DTNB: variants seen among roughly 807,000 people sequenced by gnomAD.
DTNB encodes DTN-B.
A neutral mutation model predicts 90.7 loss-of-function variants in DTNB; 63 were observed. The ratio of observed to expected loss-of-function variants is 0.69; its 90% CI spans 0.57 to 0.86. The LOEUF is 0.86. Among genes scored for constraint, DTNB ranks in the 40% least tolerant of loss-of-function variants. The probability of loss-of-function intolerance (pLI) is 0.00; values close to 1 mark genes in which losing one functional copy is unlikely to be tolerated. For missense variants in DTNB, 744 were observed against 807.1 expected (o/e 0.92, Z 0.95); for synonymous variants, 277 against 286.7 (o/e 0.97, Z 0.34).
At chr2:25,627,632 A>G (rs2074520007) in intron 4 of DTNB, among the ~76,000 whole-genome samples, 1 of 152,128 alleles carries the variant, frequency 6.6e-6, no homozygotes, top group Non-Finnish European at 1.5e-5. Flanking sequence ...AATACATCTC[A>G]AATGTGATTC....
At chr2:25,655,483 T>C (rs1394220797) in intron 1 of DTNB, among the ~76,000 whole-genome samples, 1 of 152,160 alleles carries the variant, frequency 6.6e-6, no homozygotes, top group Admixed American at 6.5e-5. Context: ...TGGAAGAACA[T>C]ACCTGGATCT....
At chr2:25,561,564 G>T (rs754347088) in intron 8 of DTNB, among the ~76,000 whole-genome samples, 61 of 152,294 alleles carry the variant, frequency 4.0e-4, no homozygotes, top group Middle Eastern at 3.4e-3. Context: ...GAGGTGGGGC[G>T]TGGTGGGAGG....
chr2:25,434,854 A>C (rs1257917093), intron 12 of DTNB, among the ~76,000 whole-genome samples: 1 of 152,130 alleles, frequency 6.6e-6, no homozygotes, highest in Non-Finnish European at 1.5e-5. Context: ...ATTTCTCTAC[A>C]TCTTCACCAA....
intron 4 of DTNB, among the ~76,000 whole-genome samples, chr2:25,618,501 T>C (rs2071457206): frequency 1.3e-5 from 2 of 152,210 alleles, no homozygotes; most frequent in African/African-American, 2.4e-5. Flanking sequence ...CCAGAATCAA[T>C]TCTCTTCAAA....
chr2:25,387,497 G>T lies in DTNB; in HGVS notation c.1736-119C>A. On this transcript the variant is annotated intron_variant, in intron 17 of 20. Coordinates refer to ENST00000406818, the MANE Select transcript of DTNB (RefSeq NM_021907.5). The surrounding 1 kb of genome is among the most constrained non-coding windows in gnomAD (Gnocchi z 4.5). ...CACAGGTGTGGAACACCTAAGGGGA[G>T]ATGGGGCCACAGCAGCTCCACCCAT... 2.3e-6 allele frequency: 2 copies of T among 886,864 alleles called. No homozygotes were observed. Among genetic ancestry groups the T allele is most frequent in the South Asian group, 1.8e-5 (1 of 56,104 alleles). The allele number at this position is 886,864 out of a possible 1,614,324, so 54.9% of individuals were successfully genotyped here.
chr2:25,415,112 G>C (rs1362841771), intron 16 of DTNB, among the ~76,000 whole-genome samples: 1 of 152,184 alleles, frequency 6.6e-6, no homozygotes, highest in Non-Finnish European at 1.5e-5. Flanking sequence ...CAGAATCACA[G>C]CACCCAAGCT....
At chr2:25,410,389 T>A (rs950606085) in intron 16 of DTNB, among the ~76,000 whole-genome samples, 1 of 152,176 alleles carries the variant, frequency 6.6e-6, no homozygotes, top group Non-Finnish European at 1.5e-5. Flanking sequence ...ATCCTCGGAC[T>A]CTTGTTAGGT....
chr2:25,410,934 CTTTT>C (rs34571788), intron 16 of DTNB, among the ~76,000 whole-genome samples: 9 of 132,486 alleles, frequency 6.8e-5, no homozygotes, highest in South Asian at 2.4e-4. Context: ...ACTGCCTTTT[CTTTT>C]TTTTTTTTTT....
Position 25,563,456 on chromosome 2 carries a change from T to C in DTNB, c.876+13382A>G, listed in dbSNP as rs146531808. Among the ~76,000 whole-genome samples, 506 of 152,352 alleles carry C rather than the reference T, an allele frequency of 3.3e-3. 2 individuals are homozygous for C. The highest frequency in any genetic ancestry group is 0.011 in the African/African-American group (443 of 41,586). On this transcript the variant is annotated intron_variant, in intron 8 of 20. Coordinates refer to ENST00000406818, the MANE Select transcript of DTNB (RefSeq NM_021907.5). ...TGAAGCACCAAAATCTTTAATTTTG[T>C]TGAAGTCCAATTTGTCTATTTTTCT...
intron 3 of DTNB, among the ~76,000 whole-genome samples, chr2:25,637,721 G>A (rs1292833639): frequency 6.6e-6 from 1 of 152,208 alleles, no homozygotes; most frequent in Non-Finnish European, 1.5e-5. Flanking sequence ...AGGTGCTGGA[G>A]AGGATGTGGA....
chr2:25,482,423 G>T (rs1214820853), intron 10 of DTNB, among the ~76,000 whole-genome samples: 1 of 152,016 alleles, frequency 6.6e-6, no homozygotes, highest in Non-Finnish European at 1.5e-5. Flanking sequence ...GAGCAAAAAT[G>T]ATCTTTGACA....
At chr2:25,593,095 A>G (rs1462808759) in intron 6 of DTNB, among the ~76,000 whole-genome samples, 1 of 152,210 alleles carries the variant, frequency 6.6e-6, no homozygotes, top group Admixed American at 6.5e-5. Flanking sequence ...TCATCACAGC[A>G]CTGCAGAAAG....
Position 25,580,784 on chromosome 2 carries a change from C to T in DTNB, c.646G>A (p.Asp216Asn), listed in dbSNP as rs773154064. ...LNMFLDTMMA[D>N]PPPQCLVWLP... ...CAGACAAGGCACTGGGGAGGAGGGT[C>T]AGCCATCATTGTGTCTAAAAACATA... The change falls in exon 7 of 21, where the codon GAC (aspartate) becomes AAC (asparagine). Residue 216 changes from aspartate to asparagine, a missense_variant. Physicochemically the swap from Asp to Asn is conservative, Grantham distance 23 (BLOSUM62 1). Coordinates refer to ENST00000406818, the MANE Select transcript of DTNB (RefSeq NM_021907.5). 3.1e-6 allele frequency: 5 copies of T among 1,613,418 alleles called. No individual in the cohort carries two copies. In the African/African-American group the frequency reaches 6.7e-5, roughly 22 times the overall value.
chr2:25,550,145 A>T (rs1488253428), intron 8 of DTNB, among the ~76,000 whole-genome samples: 1 of 152,118 alleles, frequency 6.6e-6, no homozygotes, highest in East Asian at 1.9e-4. Context: ...TAATCCCAGC[A>T]CTTTGGGAGG....
rs548075741 is a variant in DTNB, at chr2:25,519,672, G to A, written c.1001+11801C>T. ...GAGCATTTCCTTGGACTGTCACGTC[G>A]GCACTCAAAAAGTTTCGGATTTTGG... On this transcript the variant is annotated intron_variant, in intron 9 of 20. Transcript: ENST00000406818. 4.9e-4 allele frequency among the ~76,000 whole-genome samples: 75 copies of A among 152,096 alleles called. 1 individual carries two copies. In the South Asian group the frequency reaches 0.014, roughly 29 times the overall value.
intron 9 of DTNB, among the ~76,000 whole-genome samples, chr2:25,485,641 A>G (rs1342361439): frequency 1.3e-5 from 2 of 152,154 alleles, no homozygotes; most frequent in African/African-American, 4.8e-5. Flanking sequence ...CTTTGCTAGA[A>G]AGACAGGTAT....
chr2:25,611,158 A>G (rs2068521226), intron 4 of DTNB, among the ~76,000 whole-genome samples: 1 of 152,160 alleles, frequency 6.6e-6, no homozygotes, highest in Non-Finnish European at 1.5e-5. Flanking sequence ...GTTGTTACAT[A>G]TATTAGTTCA....
At position 25,387,721 on chromosome 2, in the gene DTNB, C is replaced by T. The variant is rs562404074; in HGVS notation, c.1736-343G>A. Among the ~76,000 whole-genome samples the T allele has an allele frequency of 6.6e-6, 1 of 152,282 alleles. No individual in the cohort carries two copies. Among genetic ancestry groups the T allele is most frequent in the East Asian group, 1.9e-4 (1 of 5,166 alleles). ...GCTGTACTCTCCACAACCACCACTACCACCTCCCCTTCTCACCTCCAGCCC... is the reference window on the plus strand; with the variant it reads ...GCTGTACTCTCCACAACCACCACTATCACCTCCCCTTCTCACCTCCAGCCC... On this transcript the variant is annotated intron_variant, in intron 17 of 20. Coordinates refer to ENST00000406818, the MANE Select transcript of DTNB (RefSeq NM_021907.5). This position sits in a 1 kb window ranked among gnomAD's most constrained non-coding sequence, Gnocchi z 4.5.
intron 10 of DTNB, among the ~76,000 whole-genome samples, chr2:25,472,576 C>T (rs1017313380): frequency 6.6e-5 from 10 of 152,246 alleles, no homozygotes; most frequent in Middle Eastern, 3.4e-3. Flanking sequence ...TTTTAAATTC[C>T]AATTCACTCC....
Sources: gnomAD v4.1 joint callset for allele counts (sites outside exome capture counted in the v4.1 genomes callset) on GRCh38, gnomAD v4.1.1 for gene constraint, Gnocchi (gnomAD v3.1) non-coding constraint, MANE v1.5 for transcripts, NCBI Gene and HGNC (gene_info 2026-07-23, HGNC 2026-07-21) for gene names.